Variants in DEPTOR observed in about 807,000 individuals in gnomAD.
DEPTOR encodes the protein DEP domain-containing mTOR-interacting protein.
Under a neutral mutation model 41.6 loss-of-function variants are expected in DEPTOR, and 41 were observed. The observed-to-expected ratio is 0.98, with a 90% CI of 0.77 to 1.28. DEPTOR has a LOEUF of 1.28. Among genes scored for constraint, DEPTOR ranks in the 50% most tolerant of loss-of-function variants. DEPTOR has a pLI of 0.00. For synonymous variants in DEPTOR, 195 were observed against 192.3 expected (o/e 1.01, Z -0.12); for missense variants, 514 against 527.9 (o/e 0.97, Z 0.26).
At chr8:119,946,791 A>T (rs920422878) in intron 3 of DEPTOR, among the ~76,000 whole-genome samples, 1 of 152,198 alleles carries the variant, frequency 6.6e-6, no homozygotes, top group Non-Finnish European at 1.5e-5. Flanking sequence ...AATATGCTAA[A>T]CAAAATTAAC....
chr8:119,917,475 T>A (rs1189706121), intron 1 of DEPTOR, among the ~76,000 whole-genome samples: 4 of 152,204 alleles, frequency 2.6e-5, no homozygotes, highest in Non-Finnish European at 5.9e-5. Flanking sequence ...CAGGATTAAA[T>A]GGATTAAGGG....
At position 119,912,456 on chromosome 8, in the gene DEPTOR, C is replaced by T. The variant is rs552504188; in HGVS notation, c.123-15944C>T. 2.5e-4 allele frequency among the ~76,000 whole-genome samples: 38 copies of T among 152,292 alleles called. No individual in the cohort carries two copies. The South Asian group carries it at 7.5e-3, about 30-fold the overall frequency. ...CAGTTGGGAATCAATAAATGTGTTT[C>T]GGTTGAGAAATTTTTGCAAGCCCCT... On this transcript the variant is annotated intron_variant, in intron 1 of 8. Coordinates refer to ENST00000286234, the MANE Select transcript of DEPTOR (RefSeq NM_022783.4).
chr8:120,039,727 C>T (rs1418144500), intron 8 of DEPTOR, among the ~76,000 whole-genome samples: 1 of 152,142 alleles, frequency 6.6e-6, no homozygotes, highest in Admixed American at 6.6e-5. Context: ...GATAATGGTT[C>T]TAAACTTAGT....
intron 8 of DEPTOR, among the ~76,000 whole-genome samples, chr8:120,015,072 A>T (rs930743075): frequency 6.6e-6 from 1 of 152,134 alleles, no homozygotes; most frequent in African/African-American, 2.4e-5. Flanking sequence ...CTCTCAAGAA[A>T]ATCTAATTAA....
intron 8 of DEPTOR, among the ~76,000 whole-genome samples, chr8:120,048,064 A>G (rs1813180102): frequency 1.3e-5 from 2 of 151,594 alleles, no homozygotes; most frequent in Non-Finnish European, 2.9e-5. Flanking sequence ...GTGAAATGTG[A>G]TCCCTGAGCG....
chr8:119,936,151 T>C (rs2129876684), intron 3 of DEPTOR, among the ~76,000 whole-genome samples: 1 of 152,298 alleles, frequency 6.6e-6, no homozygotes, highest in Admixed American at 6.5e-5. Context: ...TAGATGTCTA[T>C]TGAATTCCTA....
chr8:119,894,980 G>A (rs999984958), intron 1 of DEPTOR, among the ~76,000 whole-genome samples: 3 of 152,164 alleles, frequency 2.0e-5, no homozygotes, highest in Non-Finnish European at 2.9e-5. Context: ...GAATCTGTGT[G>A]ACATGAAATG....
rs139892847 is a variant in DEPTOR, at chr8:119,938,944, G to GCTCTCTCTCTCT, written c.425+9025_425+9036dup. Among the ~76,000 whole-genome samples the GCTCTCTCTCTCT allele has an allele frequency of 4.3e-3, 548 of 125,992 alleles. 1 individual carries two copies. Among genetic ancestry groups the GCTCTCTCTCTCT allele is most frequent in the African/African-American group, 9.5e-3 (325 of 34,276 alleles). 82.7% of individuals were successfully genotyped at this position (125,992 alleles called of 152,430 possible). A position where few individuals can be genotyped will look rare whatever the true frequency, so the allele number is the denominator to read the frequency against. On this transcript the variant is annotated intron_variant, in intron 3 of 8. Transcript: ENST00000286234. ...CTTTCTTTTCATTGTGTTCCTTCTT[G>GCTCTCTCTCTCT]CTCTCTCTCTCTCTCTCTCTCTCTC...
At chr8:120,025,553 C>T (rs1418191729) in intron 8 of DEPTOR, among the ~76,000 whole-genome samples, 1 of 152,194 alleles carries the variant, frequency 6.6e-6, no homozygotes, top group East Asian at 1.9e-4. Flanking sequence ...TTTGCACATT[C>T]CTGTTCCTCC....
At chr8:119,969,424 G>C (rs1828606029) in intron 4 of DEPTOR, among the ~76,000 whole-genome samples, 1 of 147,342 alleles carries the variant, frequency 6.8e-6, no homozygotes, top group Non-Finnish European at 1.5e-5. Flanking sequence ...GTGCGATCTT[G>C]GCTCACTGCA....
intron 3 of DEPTOR, among the ~76,000 whole-genome samples, chr8:119,961,126 AAG>A (rs990411912): frequency 5.9e-5 from 9 of 151,968 alleles, no homozygotes; most frequent in African/African-American, 2.2e-4. Context: ...GGCTGAATAA[AAG>A]AAAAGTGGCT....
chr8:119,922,807 G>A (rs1029567498), intron 1 of DEPTOR, among the ~76,000 whole-genome samples: 4 of 152,274 alleles, frequency 2.6e-5, no homozygotes, highest in East Asian at 1.9e-4. Context: ...TCCTAATCCC[G>A]TTTTTCTCAT....
chr8:120,011,876 T>C (rs564651496), intron 8 of DEPTOR, among the ~76,000 whole-genome samples: 1 of 152,230 alleles, frequency 6.6e-6, no homozygotes, highest in Non-Finnish European at 1.5e-5. Flanking sequence ...GGTTTTCTTA[T>C]GTTATAGAGC....
Position 119,916,287 on chromosome 8 carries a change from T to G in DEPTOR, c.123-12113T>G, listed in dbSNP as rs961043314. On this transcript the variant is annotated intron_variant, in intron 1 of 8. Transcript: ENST00000286234. Reference sequence around the variant, plus strand: ...GCTAATTTTTTTTTTTTTTTTTTTTTTTTTTTTTTTTTTTTAGAAATGGGG... The same window carrying G: ...GCTAATTTTTTTTTTTTTTTTTTTTGTTTTTTTTTTTTTTTAGAAATGGGG... Among the ~76,000 whole-genome samples the G allele has an allele frequency of 4.2e-3, 609 of 145,066 alleles. 16 individuals are homozygous for G. Among genetic ancestry groups the G allele is most frequent in the East Asian group, 0.019 (95 of 5,008 alleles).
chr8:119,949,986 C>T (rs1295387055), intron 3 of DEPTOR, among the ~76,000 whole-genome samples: 2 of 152,072 alleles, frequency 1.3e-5, no homozygotes. Flanking sequence ...AGACTGTAAT[C>T]CCAGAAGAAG....
intron 3 of DEPTOR, among the ~76,000 whole-genome samples, chr8:119,951,808 G>C (rs1324354312): frequency 6.6e-6 from 1 of 152,078 alleles, no homozygotes; most frequent in African/African-American, 2.4e-5. Flanking sequence ...GAAAGTTCTA[G>C]TTTCACTGGA....
intron 4 of DEPTOR, among the ~76,000 whole-genome samples, chr8:119,967,446 T>A (rs1454840012): frequency 1.3e-5 from 2 of 151,902 alleles, no homozygotes; most frequent in Non-Finnish European, 2.9e-5. Flanking sequence ...TGGCCTGTTT[T>A]TACACAGAAA....
At chr8:119,931,695 A>G (rs900656577) in intron 3 of DEPTOR, among the ~76,000 whole-genome samples, 3 of 152,168 alleles carry the variant, frequency 2.0e-5, no homozygotes, top group Non-Finnish European at 4.4e-5. Flanking sequence ...AAACTCTCTC[A>G]TCTTTCTGAC....
chr8:120,048,482 G>A (rs1168213121), intron 8 of DEPTOR, among the ~76,000 whole-genome samples: 3 of 152,168 alleles, frequency 2.0e-5, no homozygotes, highest in African/African-American at 7.2e-5. Flanking sequence ...TGTATAAGAT[G>A]TACCCTGAAT....
Sources: gnomAD v4.1 joint callset for allele counts (sites outside exome capture counted in the v4.1 genomes callset) on GRCh38, gnomAD v4.1.1 for gene constraint, MANE v1.5 for transcripts, NCBI Gene and HGNC (gene_info 2026-07-23, HGNC 2026-07-21) for gene names.